The following SUGCT variants were observed in gnomAD, a reference collection of about 807,000 sequenced individuals.
The protein encoded by SUGCT is succinyl-CoA:glutarate-CoA transferase.
A neutral mutation model predicts 55.0 loss-of-function variants in SUGCT; 41 were observed. The ratio of observed to expected loss-of-function variants is 0.74; its 90% CI spans 0.58 to 0.97. The LOEUF (loss-of-function observed/expected upper bound fraction) is 0.97, where lower values mean the gene tolerates loss of function less well. Among genes scored for constraint, SUGCT ranks in the 50% least tolerant of loss-of-function variants. The pLI is 0.00. For synonymous variants in SUGCT, 187 were observed against 200.4 expected (o/e 0.93, Z 0.56); for missense variants, 568 against 547.8 (o/e 1.04, Z -0.37).
intron 9 of SUGCT, among the ~76,000 whole-genome samples, chr7:40,327,020 A>G (rs17171683): frequency 0.12 from 17,526 of 152,248 alleles, 1,325 homozygotes; most frequent in East Asian, 0.44. Flanking sequence ...ACGAAAGAGT[A>G]GGTGATAGCA....
intron 6 of SUGCT, among the ~76,000 whole-genome samples, chr7:40,195,325 G>C (rs1006034184): frequency 1.3e-5 from 2 of 150,288 alleles, no homozygotes; most frequent in African/African-American, 2.5e-5. Context: ...TGGTTCAAGC[G>C]ATTCTTCTGC....
intron 13 of SUGCT, among the ~76,000 whole-genome samples, chr7:40,848,627 T>C (rs1002181060): frequency 1.3e-5 from 2 of 151,924 alleles, no homozygotes; most frequent in Non-Finnish European, 2.9e-5. Context: ...TAAAAAACAA[T>C]GAGCCAAAAT....
intron 13 of SUGCT, among the ~76,000 whole-genome samples, chr7:40,838,767 A>G (rs925941607): frequency 1.3e-5 from 2 of 152,176 alleles, no homozygotes; most frequent in African/African-American, 4.8e-5. Context: ...TTACTGGGCT[A>G]GAACTTACAG....
At chr7:40,764,214 C>G (rs1406192944) in intron 13 of SUGCT, among the ~76,000 whole-genome samples, 1 of 152,182 alleles carries the variant, frequency 6.6e-6, no homozygotes, top group East Asian at 1.9e-4. Flanking sequence ...AACTCAAATT[C>G]CAACCATTCC....
At chr7:40,748,384 A>T (rs2128710830) in intron 12 of SUGCT, among the ~76,000 whole-genome samples, 1 of 152,168 alleles carries the variant, frequency 6.6e-6, no homozygotes, top group Middle Eastern at 3.4e-3. Context: ...TTAAATTGTA[A>T]TAGGTTTATA....
At chr7:40,303,029 T>C (rs1015164292) in intron 8 of SUGCT, among the ~76,000 whole-genome samples, 20 of 150,732 alleles carry the variant, frequency 1.3e-4, no homozygotes, top group African/African-American at 4.5e-4. Flanking sequence ...AAGAAAGCCA[T>C]TTTTTTTCTT....
At chr7:40,373,838 T>A (rs1376399696) in intron 9 of SUGCT, among the ~76,000 whole-genome samples, 1 of 152,180 alleles carries the variant, frequency 6.6e-6, no homozygotes, top group African/African-American at 2.4e-5. Flanking sequence ...GTAAGAATGT[T>A]TCAAATGCTT....
At chr7:40,303,326 G>A (rs1794650695) in intron 8 of SUGCT, among the ~76,000 whole-genome samples, 1 of 152,130 alleles carries the variant, frequency 6.6e-6, no homozygotes, top group Non-Finnish European at 1.5e-5. Flanking sequence ...GAGCCACCTC[G>A]CCCGGCCAAG....
chr7:40,176,973 A>T (rs946986673), intron 1 of SUGCT, among the ~76,000 whole-genome samples: 1 of 151,994 alleles, frequency 6.6e-6, no homozygotes, highest in African/African-American at 2.4e-5. Flanking sequence ...AAAAAAAAAA[A>T]AAAAAAAGAC....
chr7:41,037,728 G>A, the SUGCT span, among the ~76,000 whole-genome samples: 1 of 149,908 alleles, frequency 6.7e-6, no homozygotes, highest in African/African-American at 2.5e-5. Context: ...TCAGTTCACC[G>A]CCATGTGTGC....
chr7:40,637,800 A>G (rs1800086686), intron 12 of SUGCT, among the ~76,000 whole-genome samples: 1 of 152,222 alleles, frequency 6.6e-6, no homozygotes, highest in Admixed American at 6.5e-5. Context: ...CTTCTTTGAG[A>G]TTATAATATG....
chr7:40,899,142 C>T, the SUGCT span, among the ~76,000 whole-genome samples: 2 of 152,146 alleles, frequency 1.3e-5, no homozygotes, highest in Admixed American at 6.5e-5. Flanking sequence ...TGCCCTGCTG[C>T]TCTTCCTCTC....
the SUGCT span, among the ~76,000 whole-genome samples, chr7:41,018,908 CT>C: frequency 2.6e-3 from 370 of 141,514 alleles, no homozygotes; most frequent in African/African-American, 4.1e-3. Context: ...CTAATATATT[CT>C]TTTTTTTTTT....
intron 9 of SUGCT, among the ~76,000 whole-genome samples, chr7:40,350,754 C>G (rs1395531313): frequency 6.6e-6 from 1 of 152,098 alleles, no homozygotes; most frequent in East Asian, 1.9e-4. Context: ...AACCCGTCAT[C>G]TACATTAGGT....
chr7:40,559,349 C>A (rs1296576854), intron 12 of SUGCT, among the ~76,000 whole-genome samples: 1 of 152,220 alleles, frequency 6.6e-6, no homozygotes, highest in African/African-American at 2.4e-5. Context: ...GTGTTTTAGA[C>A]TTAGCAATAA....
At chr7:40,146,336 C>CAA (rs1156895706) in intron 1 of SUGCT, among the ~76,000 whole-genome samples, 3 of 152,178 alleles carry the variant, frequency 2.0e-5, no homozygotes, top group African/African-American at 4.8e-5. Context: ...TTTACAGTGA[C>CAA]AACTGCTGAG....
intron 8 of SUGCT, among the ~76,000 whole-genome samples, chr7:40,283,233 C>CTT (rs58223100): frequency 1.4e-5 from 2 of 144,078 alleles, no homozygotes; most frequent in Non-Finnish European, 3.1e-5. Flanking sequence ...CTTTCTTTTT[C>CTT]TTTTTTTTTT....
intron 7 of SUGCT, among the ~76,000 whole-genome samples, chr7:40,238,707 T>A (rs1042679259): frequency 8.4e-4 from 128 of 152,290 alleles, no homozygotes; most frequent in Non-Finnish European, 1.1e-3. Context: ...GAGATTTACT[T>A]TTTATTAATT....
intron 13 of SUGCT, among the ~76,000 whole-genome samples, chr7:40,819,202 G>C (rs1454717302): frequency 6.6e-6 from 1 of 152,046 alleles, no homozygotes. Flanking sequence ...ATTGTGAATA[G>C]TGCCGCAATA....
Sources: allele counts gnomAD v4.1 joint callset (sites outside exome capture counted in the v4.1 genomes callset), GRCh38; gene constraint gnomAD v4.1.1; transcripts MANE v1.5; gene names NCBI Gene and HGNC (gene_info 2026-07-23, HGNC 2026-07-21).